SYN3: variants seen among roughly 807,000 people sequenced by gnomAD.
The protein encoded by SYN3 is synapsin III, also known as synapsin-3.
SYN3 carries 35 observed loss-of-function variants against 65.8 expected under a neutral mutation model. The ratio of observed to expected loss-of-function variants is 0.53; its 90% CI spans 0.41 to 0.70. SYN3 has a LOEUF of 0.70. Among genes scored for constraint, SYN3 ranks in the 30% least tolerant of loss-of-function variants. The pLI, the probability that SYN3 is intolerant of heterozygous loss-of-function variation, is 0.00. For missense variants in SYN3, 680 were observed against 749.0 expected, an observed-to-expected ratio of 0.91 and a Z score of 1.08; for synonymous variants, 270 against 292.9, an observed-to-expected ratio of 0.92 and a Z score of 0.80.
At chr22:32,728,910 C>T (rs542194747) in intron 6 of SYN3, among the ~76,000 whole-genome samples, 21 of 152,276 alleles carry the variant, frequency 1.4e-4, no homozygotes, top group Non-Finnish European at 2.6e-4. Context: ...CAGAGAAAGT[C>T]TTCAGAAGGA....
chr22:32,828,959 G>C (rs1468576921), intron 6 of SYN3, among the ~76,000 whole-genome samples: 1 of 152,106 alleles, frequency 6.6e-6, no homozygotes, highest in African/African-American at 2.4e-5. Context: ...AGGATCTTGG[G>C]TACATTGGTC....
chr22:33,053,573 CAT>C (rs1264780234), intron 1 of SYN3, among the ~76,000 whole-genome samples: 2 of 152,184 alleles, frequency 1.3e-5, no homozygotes, highest in Non-Finnish European at 2.9e-5. Context: ...TTACAGAAAA[CAT>C]AGACTCTCTT....
rs117281568 is a variant in SYN3 at position 32,827,329 on chromosome 22, C to T, written c.711+37586G>A. Among the ~76,000 whole-genome samples, 25 of 152,358 alleles carry T rather than the reference C, an allele frequency of 1.6e-4. No individual in the cohort carries two copies. In the East Asian group the frequency reaches 4.6e-3, roughly 28 times the overall value. ...TTTAAATATGTGAATTCATTTGGGC[C>T]TGGACAGCTGCATAGCTCAGGCTGG... On this transcript the variant is annotated intron_variant, in intron 6 of 13. Transcript: ENST00000358763.
chr22:33,005,097 T>C (rs1310762936), intron 2 of SYN3, among the ~76,000 whole-genome samples: 2 of 152,214 alleles, frequency 1.3e-5, no homozygotes, highest in Admixed American at 6.5e-5. Context: ...TCCACCATAA[T>C]TGTAAGTTTC....
chr22:32,661,760 A>G (rs3788478), intron 6 of SYN3, among the ~76,000 whole-genome samples: 40,573 of 151,996 alleles, frequency 0.27, 7,279 homozygotes, highest in East Asian at 0.71. Context: ...AAGGGAATAG[A>G]ATTTTGGATC....
intron 6 of SYN3, among the ~76,000 whole-genome samples, chr22:32,612,298 A>G (rs1199847811): frequency 6.6e-6 from 1 of 152,218 alleles, no homozygotes; most frequent in African/African-American, 2.4e-5. Context: ...AAGTGTGGGT[A>G]CCATGGGCAC....
intron 6 of SYN3, among the ~76,000 whole-genome samples, chr22:32,719,703 C>G (rs1468052606): frequency 1.3e-5 from 2 of 152,088 alleles, no homozygotes; most frequent in Admixed American, 1.3e-4. Flanking sequence ...AGAAACAAAG[C>G]CAGGTGTGGT....
intron 7 of SYN3, among the ~76,000 whole-genome samples, chr22:32,585,915 CATATATGT>C (rs2059018421): frequency 1.7e-5 from 1 of 59,690 alleles, no homozygotes; most frequent in Non-Finnish European, 3.4e-5. Flanking sequence ...TGTATGTATA[CATATATGT>C]GTATATACGT....
chr22:32,695,169 C>A (rs1015949932), intron 6 of SYN3, among the ~76,000 whole-genome samples: 3 of 152,152 alleles, frequency 2.0e-5, no homozygotes, highest in African/African-American at 7.2e-5. Context: ...GAATGTCCAG[C>A]ATGCATATTC....
intron 6 of SYN3, among the ~76,000 whole-genome samples, chr22:32,621,623 G>A (rs1006834101): frequency 2.6e-5 from 4 of 152,122 alleles, no homozygotes; most frequent in Non-Finnish European, 5.9e-5. Flanking sequence ...ACTGCTTCTC[G>A]GCCTGAAGCG....
At chr22:32,531,417 G>A (rs111441612) in intron 10 of SYN3, among the ~76,000 whole-genome samples, 3 of 152,044 alleles carry the variant, frequency 2.0e-5, no homozygotes, top group African/African-American at 7.2e-5. Context: ...TCCCTGCAGT[G>A]GAAAACAGCC....
chr22:32,671,314 A>C (rs2060358677), intron 6 of SYN3, among the ~76,000 whole-genome samples: 2 of 150,904 alleles, frequency 1.3e-5, no homozygotes, highest in Admixed American at 1.3e-4. Context: ...ACATTCACAC[A>C]CCTCCTGTCA....
intron 13 of SYN3, among the ~76,000 whole-genome samples, chr22:32,517,376 C>T (rs1348622732): frequency 2.6e-5 from 4 of 152,220 alleles, no homozygotes; most frequent in African/African-American, 9.6e-5. Flanking sequence ...GCCCAGCTGA[C>T]AGCTAGCACC....
At chr22:32,514,224 A>G (rs2057734011) in intron 13 of SYN3, among the ~76,000 whole-genome samples, 1 of 152,192 alleles carries the variant, frequency 6.6e-6, no homozygotes, top group South Asian at 2.1e-4. Flanking sequence ...CTGTATCAAC[A>G]TCAGGTTATA....
At chr22:32,770,374 C>T (rs1178691205) in intron 6 of SYN3, among the ~76,000 whole-genome samples, 1 of 152,140 alleles carries the variant, frequency 6.6e-6, no homozygotes, top group Admixed American at 6.6e-5. Context: ...CCATCTCCCA[C>T]TGAATAAAAT....
intron 2 of SYN3, among the ~76,000 whole-genome samples, chr22:33,005,315 C>T (rs1034435746): frequency 1.3e-5 from 2 of 152,196 alleles, no homozygotes; most frequent in African/African-American, 4.8e-5. Context: ...TGGTTCCCAT[C>T]CATGTATTCC....
At chr22:32,997,154 C>T (rs550084619) in intron 2 of SYN3, among the ~76,000 whole-genome samples, 1 of 152,298 alleles carries the variant, frequency 6.6e-6, no homozygotes, top group East Asian at 1.9e-4. Context: ...GTAGCATTTG[C>T]TTTGATTTTG....
chr22:32,767,687 T>C (rs1264113473), intron 6 of SYN3, among the ~76,000 whole-genome samples: 2 of 152,238 alleles, frequency 1.3e-5, no homozygotes, highest in Admixed American at 1.3e-4. Flanking sequence ...TTCTTTTCTT[T>C]TATTTTCTTT....
At chr22:32,960,350 G>A (rs1191461268) in intron 3 of SYN3, among the ~76,000 whole-genome samples, 1 of 152,136 alleles carries the variant, frequency 6.6e-6, no homozygotes, top group African/African-American at 2.4e-5. Context: ...ACTCTCCAAG[G>A]CCGGTTGAAA....
Sources: allele counts gnomAD v4.1 joint callset (sites outside exome capture counted in the v4.1 genomes callset), GRCh38; gene constraint gnomAD v4.1.1; transcripts MANE v1.5; gene names NCBI Gene and HGNC (gene_info 2026-07-23, HGNC 2026-07-21).